CFHR1: variants seen among roughly 807,000 people sequenced by gnomAD.
CFHR1 encodes the protein complement factor H related 1.
In CFHR1, 22 loss-of-function variants were observed where a neutral mutation model predicts 30.4. The observed-to-expected ratio is 0.72, with a 90% CI of 0.52 to 1.03. CFHR1 has a LOEUF of 1.03. CFHR1 is among the 50% of genes least tolerant of loss of function. The probability of loss-of-function intolerance (pLI) is 0.00; values close to 1 mark genes in which losing one functional copy is unlikely to be tolerated. For missense variants in CFHR1, 248 were observed against 380.6 expected (o/e 0.65, Z 2.90); for synonymous variants, 95 against 129.1 (o/e 0.74, Z 1.79).
rs1327359938 is a variant in CFHR1 at position 196,825,631 on chromosome 1, A to T, written c.213A>T (p.Thr71=). 6.6e-7 allele frequency: 1 copy of T among 1,525,016 alleles called. No homozygotes were observed. Among genetic ancestry groups the T allele is most frequent in the Non-Finnish European group, 8.9e-7 (1 of 1,129,072 alleles). 94.5% of individuals were successfully genotyped at this position (1,525,016 alleles called of 1,614,324 possible). A position where few individuals can be genotyped will look rare whatever the true frequency, so the allele number is the denominator to read the frequency against. The stretch of plus-strand genomic sequence containing the variant: ...CAAAATCATTTTGGACTCGCATAAC[A>T]TGCACAGAAGAAGGATGGTCACCAA... The part of the protein sequence containing the change: ...SPSKSFWTRI[T]CTEEGWSPTP... Residue 71 remains threonine, a synonymous_variant, in exon 2 of 6, where the codon ACA becomes ACT. Coordinates refer to ENST00000320493, the MANE Select transcript of CFHR1 (RefSeq NM_002113.3).
At position 196,823,095 on chromosome 1, in the gene CFHR1, ATATATATGTGTG is replaced by A. The variant is rs1410912170; in HGVS notation, c.59-2380_59-2369del. Among the ~76,000 whole-genome samples, 87 of 46,936 alleles carry A rather than the reference ATATATATGTGTG, an allele frequency of 1.9e-3. 9 individuals carry two copies. The highest frequency in any genetic ancestry group is 0.013 in the Admixed American group (46 of 3,640). 30.8% of individuals were successfully genotyped at this position (46,936 alleles called of 152,430 possible). A position where few individuals can be genotyped will look rare whatever the true frequency, so the allele number is the denominator to read the frequency against. On this transcript the variant is annotated intron_variant, in intron 1 of 5. Coordinates refer to ENST00000320493, the MANE Select transcript of CFHR1 (RefSeq NM_002113.3). ...TAACTGTACGACTGTATATATATATATATATATGTGTGTGTGTGTGTGTGTGTGTGTGTGTGT... is the reference window on the plus strand; with the variant it reads ...TAACTGTACGACTGTATATATATATATGTGTGTGTGTGTGTGTGTGTGTGT...
chr1:196,825,099 T>C lies in CFHR1; in HGVS notation c.59-378T>C, dbSNP rs565085718. 55 of 145,978 alleles carry C rather than the reference T, an allele frequency of 3.8e-4. 7 individuals are homozygous for C. Among genetic ancestry groups the C allele is most frequent in the South Asian group, 3.4e-3 (18 of 5,258 alleles). The allele number at this position is 145,978 out of a possible 1,614,324, so 9.0% of individuals were successfully genotyped here. Reference sequence around the variant, plus strand: ...AATGAGAATAGAGAAAATAAGTAAATTGAGAGCTAAGAACAACCCTATCAC... The same window carrying C: ...AATGAGAATAGAGAAAATAAGTAAACTGAGAGCTAAGAACAACCCTATCAC... On this transcript the variant is annotated intron_variant, in intron 1 of 5. Transcript: ENST00000320493.
At chr1:196,830,267 C>A (rs1287655704) in intron 4 of CFHR1, among the ~76,000 whole-genome samples, 3 of 134,870 alleles carry the variant, frequency 2.2e-5, no homozygotes, top group Non-Finnish European at 4.7e-5. Flanking sequence ...CCTGATCTAC[C>A]ATAAGCAGCA....
At position 196,828,595 on chromosome 1, in the gene CFHR1, G is replaced by C. The variant is rs1248753313; in HGVS notation, c.607+349G>C. ...AAGATATGGAATAGGCAGTTGAAGA[G>C]AGATCATAGACTGTGATATAAATGT... On this transcript the variant is annotated intron_variant, in intron 4 of 5. Transcript: ENST00000320493. Among the ~76,000 whole-genome samples, 4 of 130,714 alleles carry C rather than the reference G, an allele frequency of 3.1e-5. 1 individual carries two copies. Among genetic ancestry groups the C allele is most frequent in the Non-Finnish European group, 6.4e-5 (4 of 62,932 alleles). The allele number at this position is 130,714 out of a possible 152,430, so 85.8% of individuals were successfully genotyped here.
intron 2 of CFHR1, among the ~76,000 whole-genome samples, chr1:196,826,486 G>A (rs564848715): frequency 1.5e-5 from 2 of 132,790 alleles, no homozygotes; most frequent in East Asian, 2.0e-4. Context: ...TTTTTTGTTC[G>A]TTTGTTTGTT....
chr1:196,831,049 G>A (rs1319348626), intron 5 of CFHR1, among the ~76,000 whole-genome samples: 1 of 134,650 alleles, frequency 7.4e-6, no homozygotes, highest in Non-Finnish European at 1.6e-5. Context: ...GGAAAATGGC[G>A]GGAACCCGGG....
intron 1 of CFHR1, among the ~76,000 whole-genome samples, chr1:196,822,213 A>T: frequency 9.0e-6 from 1 of 111,418 alleles, no homozygotes; most frequent in Non-Finnish European, 1.8e-5. Flanking sequence ...AAACTAATTT[A>T]TTTTATTTAT....
rs1187109991 is a variant in CFHR1 at position 196,823,097 on chromosome 1, ATATATGTGTGTGTG to A, written c.59-2378_59-2365del. Among the ~76,000 whole-genome samples the A allele has an allele frequency of 1.8e-4, 9 of 48,864 alleles. 1 individual carries two copies. The highest frequency in any genetic ancestry group is 8.6e-4 in the African/African-American group (9 of 10,524). The allele number at this position is 48,864 out of a possible 152,430, so 32.1% of individuals were successfully genotyped here. A position where few individuals can be genotyped will look rare whatever the true frequency, so the allele number is the denominator to read the frequency against. On this transcript the variant is annotated intron_variant, in intron 1 of 5. Transcript: ENST00000320493. ...ACTGTACGACTGTATATATATATAT[ATATATGTGTGTGTG>A]TGTGTGTGTGTGTGTGTGTGTGTAT...
rs1204409769 is a variant in CFHR1, at chr1:196,827,761, C to T, written c.431-309C>T. On this transcript the variant is annotated intron_variant, in intron 3 of 5. Coordinates refer to ENST00000320493, the MANE Select transcript of CFHR1 (RefSeq NM_002113.3). The stretch of plus-strand genomic sequence containing the variant: ...AAATAGAACTGGTAATATTTGTTTA[C>T]TCAAACTCAAAGAGAGATATCCAGG... Among the ~76,000 whole-genome samples the T allele has an allele frequency of 1.5e-3, 189 of 128,460 alleles. 29 individuals carry two copies. Among genetic ancestry groups the T allele is most frequent in the Non-Finnish European group, 2.4e-3 (149 of 62,278 alleles). 84.3% of individuals were successfully genotyped at this position (128,460 alleles called of 152,430 possible).
chr1:196,829,789 C>T lies in CFHR1; in HGVS notation c.608-711C>T, dbSNP rs1359548932. Among the ~76,000 whole-genome samples, 3 of 133,862 alleles carry T rather than the reference C, an allele frequency of 2.2e-5. 1 individual carries two copies. Among genetic ancestry groups the T allele is most frequent in the Non-Finnish European group, 4.7e-5 (3 of 63,706 alleles). The allele number at this position is 133,862 out of a possible 152,430, so 87.8% of individuals were successfully genotyped here. A position where few individuals can be genotyped will look rare whatever the true frequency, so the allele number is the denominator to read the frequency against. On this transcript the variant is annotated intron_variant, in intron 4 of 5. Transcript: ENST00000320493. ...TTGGTATAAATTCCAATGTTTTTAT[C>T]CTCTTTGGAGTTCACTCAGCTTCTT...
chr1:196,826,221 A>T (rs1655315339), intron 2 of CFHR1, among the ~76,000 whole-genome samples: 2 of 134,952 alleles, frequency 1.5e-5, no homozygotes, highest in Non-Finnish European at 3.1e-5. Flanking sequence ...GATAGCAATG[A>T]TCTTTCTCCT....
At chr1:196,823,093 ATATATATATG>A (rs1286883525) in intron 1 of CFHR1, among the ~76,000 whole-genome samples, 1,719 of 120,804 alleles carry the variant, frequency 0.014, 170 homozygotes, top group East Asian at 0.087. Context: ...GTATATATAT[ATATATATATG>A]TGTGTGTGTG....
chr1:196,826,760 T>C, intron 2 of CFHR1, 69 bp from the exon 3 acceptor site: 1 of 1,347,470 alleles, frequency 7.4e-7, no homozygotes. Flanking sequence ...TATTAAAATA[T>C]TTTAAAATGC....
chr1:196,825,580 C>CTGTGAATATAATT lies in CFHR1; in HGVS notation c.164_176dup (p.Phe59LeufsTer2), dbSNP rs762971807. On this transcript the variant is annotated frameshift_variant, in exon 2 of 6. Coordinates refer to ENST00000320493, the MANE Select transcript of CFHR1 (RefSeq NM_002113.3). LOFTEE classifies it high-confidence loss of function. ...CTACAGGGGAAGTTTTCTATTACTC[C>CTGTGAATATAATT]TGTGAATATAATTTTGTGTCTCCTT... 1 of 1,524,086 alleles carries CTGTGAATATAATT rather than the reference C, an allele frequency of 6.6e-7. No homozygotes were observed. The highest frequency in any genetic ancestry group is 2.2e-5 in the East Asian group (1 of 44,586). The allele number at this position is 1,524,086 out of a possible 1,614,324, so 94.4% of individuals were successfully genotyped here.
Position 196,828,114 on chromosome 1 carries a change from C to A in CFHR1, c.475C>A (p.Leu159Met). 26 of 1,254,620 alleles carry A rather than the reference C, an allele frequency of 2.1e-5. 5 individuals carry two copies. The highest frequency in any genetic ancestry group is 2.7e-5 in the Non-Finnish European group (25 of 937,676). 77.7% of individuals were successfully genotyped at this position (1,254,620 alleles called of 1,614,324 possible). ...GCCCACAGTACAAAATGCTCATATA[C>A]TGTCGAGACAGATGAGTAAATATCC... ...NPPTVQNAHI[L>M]SRQMSKYPSG... is the part of the protein sequence containing the mutation. The change falls in exon 4 of 6, where the codon CTG becomes ATG. Residue 159 changes from leucine to methionine, a missense_variant. By Grantham distance (15) the Leu-to-Met change is conservative. This residue lies in a region of CFHR1 where 15 missense variants were observed against 61.7 expected (regional missense o/e 0.24). Transcript: ENST00000320493.
Position 196,831,605 on chromosome 1 carries a change from A to G in CFHR1, c.791-192A>G, listed in dbSNP as rs397832235. ...CCCCTAATTCTCATACATTAAACATAAAACCTCATTTTCACATCGATTACC... is the reference window on the plus strand; with the variant it reads ...CCCCTAATTCTCATACATTAAACATGAAACCTCATTTTCACATCGATTACC... On this transcript the variant is annotated intron_variant, in intron 5 of 5. Coordinates refer to ENST00000320493, the MANE Select transcript of CFHR1 (RefSeq NM_002113.3). Among the ~76,000 whole-genome samples the G allele has an allele frequency of 4.4e-4, 59 of 134,580 alleles. 19 individuals carry two copies. Among genetic ancestry groups the G allele is most frequent in the African/African-American group, 1.8e-3 (56 of 30,822 alleles). The allele number at this position is 134,580 out of a possible 152,430, so 88.3% of individuals were successfully genotyped here.
chr1:196,824,748 GTATATATATATATA>G lies in CFHR1; in HGVS notation c.59-709_59-696del, dbSNP rs71131725. Among the ~76,000 whole-genome samples, 350 of 55,018 alleles carry G rather than the reference GTATATATATATATA, an allele frequency of 6.4e-3. 72 individuals are homozygous for G. The highest frequency in any genetic ancestry group is 0.013 in the African/African-American group (123 of 9,490). 36.1% of individuals were successfully genotyped at this position (55,018 alleles called of 152,430 possible). A position where few individuals can be genotyped will look rare whatever the true frequency, so the allele number is the denominator to read the frequency against. ...CGAAGTGAAACGAGTGGGGCTGACT[GTATATATATATATA>G]TATATATATATATATATATGTGCGT... On this transcript the variant is annotated intron_variant, in intron 1 of 5. Coordinates refer to ENST00000320493, the MANE Select transcript of CFHR1 (RefSeq NM_002113.3).
At chr1:196,830,431 T>C (rs1655499318) in intron 4 of CFHR1, 69 bp from the exon 5 acceptor site, 1 of 1,440,988 alleles carries the variant, frequency 6.9e-7, no homozygotes, top group African/African-American at 1.8e-5. Flanking sequence ...GTGTTTGTAT[T>C]TGCCTTATTT....
Position 196,830,448 on chromosome 1 carries a change from G to T in CFHR1, c.608-52G>T, listed in dbSNP as rs1298644807. On this transcript the variant is annotated intron_variant, in intron 4 of 5. Coordinates refer to ENST00000320493, the MANE Select transcript of CFHR1 (RefSeq NM_002113.3). ...GTTTGTATTTGCCTTATTTGAACTTGTATTTTGATTTGCTCTCACAATAAA... is the reference window on the plus strand; with the variant it reads ...GTTTGTATTTGCCTTATTTGAACTTTTATTTTGATTTGCTCTCACAATAAA... 4 of 1,496,120 alleles carry T rather than the reference G, an allele frequency of 2.7e-6. No individual in the cohort carries two copies. The East Asian group carries it at 6.7e-5, about 25-fold the overall frequency. The allele number at this position is 1,496,120 out of a possible 1,614,324, so 92.7% of individuals were successfully genotyped here. A position where few individuals can be genotyped will look rare whatever the true frequency, so the allele number is the denominator to read the frequency against.
Sources: gnomAD v4.1 joint callset for allele counts (sites outside exome capture counted in the v4.1 genomes callset) on GRCh38, gnomAD v4.1.1 for gene constraint, gnomAD v4.1.1 regional missense constraint, MANE v1.5 for transcripts, NCBI Gene and HGNC (gene_info 2026-07-23, HGNC 2026-07-21) for gene names.